The following ORC4 variants were observed in gnomAD, a reference collection of about 807,000 sequenced individuals.
ORC4 encodes the protein origin recognition complex subunit 4.
In ORC4, 55 loss-of-function variants were observed where a neutral mutation model predicts 63.9. That is an observed-to-expected ratio of 0.86 (90% confidence interval 0.69 to 1.08). ORC4 has a LOEUF of 1.08. ORC4 is among the 50% of genes least tolerant of loss of function. The pLI, the probability that ORC4 is intolerant of heterozygous loss-of-function variation, is 0.00. For synonymous variants in ORC4, 150 were observed against 168.5 expected, an observed-to-expected ratio of 0.89 and a Z score of 0.85; for missense variants, 511 against 504.4, an observed-to-expected ratio of 1.01 and a Z score of -0.13.
chr2:148,015,142 C>T (rs1205103913), intron 1 of ORC4, among the ~76,000 whole-genome samples: 1 of 150,042 alleles, frequency 6.7e-6, no homozygotes, highest in Non-Finnish European at 1.5e-5. Context: ...AAGAATTCCA[C>T]ACAAAAAGAT....
At position 148,016,173 on chromosome 2, in the gene ORC4, C is replaced by A. The variant is rs187040170; in HGVS notation, c.-18+4460G>T. 3.6e-3 allele frequency among the ~76,000 whole-genome samples: 547 copies of A among 152,240 alleles called. 14 individuals carry two copies. Among genetic ancestry groups the A allele is most frequent in the Admixed American group, 0.032 (486 of 15,288 alleles). On this transcript the variant is annotated intron_variant, in intron 1 of 13. Transcript: ENST00000392857. ...TGTCTTCTCTTATTCTCCACAACAACGAACCATTTCTCAATCGGACTGTGA... is the reference window on the plus strand; with the variant it reads ...TGTCTTCTCTTATTCTCCACAACAAAGAACCATTTCTCAATCGGACTGTGA...
intron 1 of ORC4, among the ~76,000 whole-genome samples, chr2:148,003,457 C>T (rs1040899655): frequency 6.6e-6 from 1 of 152,166 alleles, no homozygotes; most frequent in African/African-American, 2.4e-5. Flanking sequence ...GCTGGTTCAA[C>T]ATATGCAAAT....
intron 1 of ORC4, among the ~76,000 whole-genome samples, chr2:148,011,443 T>A (rs1692962879): frequency 6.6e-6 from 1 of 152,132 alleles, no homozygotes; most frequent in Non-Finnish European, 1.5e-5. Context: ...ATAAAAACTC[T>A]CAGCAAACTG....
chr2:147,962,175 G>A (rs550877111), intron 4 of ORC4, among the ~76,000 whole-genome samples: 3 of 152,098 alleles, frequency 2.0e-5, no homozygotes, highest in African/African-American at 4.8e-5. Flanking sequence ...GGGACTTCCC[G>A]TTCTGGGGAA....
chr2:147,961,625 C>T (rs774761140), intron 4 of ORC4, among the ~76,000 whole-genome samples: 1 of 152,034 alleles, frequency 6.6e-6, no homozygotes, highest in African/African-American at 2.4e-5. Flanking sequence ...CATCAGAGTA[C>T]ATCAGGAATA....
At chr2:148,018,150 G>A (rs796937683) in intron 1 of ORC4, among the ~76,000 whole-genome samples, 26 of 152,208 alleles carry the variant, frequency 1.7e-4, no homozygotes, top group African/African-American at 5.8e-4. Flanking sequence ...ATGCACAAAA[G>A]ATTTAAGAAT....
intron 13 of ORC4, among the ~76,000 whole-genome samples, chr2:147,937,800 A>T (rs1270752264): frequency 1.3e-5 from 2 of 152,134 alleles, no homozygotes; most frequent in Non-Finnish European, 2.9e-5. Flanking sequence ...TAAGTTTCTT[A>T]ATGGCTCTAA....
intron 4 of ORC4, 81 bp from the exon 5 acceptor site, chr2:147,958,947 A>T: frequency 1.5e-6 from 1 of 660,894 alleles, no homozygotes; most frequent in Non-Finnish European, 2.7e-6. Context: ...ACAAGCAGTA[A>T]GAACAGAATA....
chr2:148,018,573 C>T (rs1693459839), intron 1 of ORC4, among the ~76,000 whole-genome samples: 1 of 133,818 alleles, frequency 7.5e-6, no homozygotes, highest in African/African-American at 2.7e-5. Context: ...ACTTTTTATA[C>T]TATACTTATT....
At chr2:147,990,799 T>C (rs1304897095) in intron 1 of ORC4, among the ~76,000 whole-genome samples, 3 of 152,208 alleles carry the variant, frequency 2.0e-5, no homozygotes, top group African/African-American at 4.8e-5. Flanking sequence ...TTAAGTAATA[T>C]GATGCCATGA....
At position 148,010,604 on chromosome 2, in the gene ORC4, A is replaced by C. The variant is rs150792941; in HGVS notation, c.-18+10029T>G. Among the ~76,000 whole-genome samples the C allele has an allele frequency of 6.1e-3, 928 of 152,194 alleles. 3 individuals are homozygous for C. The highest frequency in any genetic ancestry group is 0.018 in the South Asian group (87 of 4,824). ...TTGTAAAACCTAGAAGAAACGAATAAATTCCTAGGCACATACAGCCTAAGA... is the reference window on the plus strand; with the variant it reads ...TTGTAAAACCTAGAAGAAACGAATACATTCCTAGGCACATACAGCCTAAGA... On this transcript the variant is annotated intron_variant, in intron 1 of 13. Transcript: ENST00000392857.
Position 147,950,762 on chromosome 2 carries a change from C to A in ORC4, c.588+1611G>T, listed in dbSNP as rs141358491. On this transcript the variant is annotated intron_variant, in intron 8 of 13. Transcript: ENST00000392857. ...CCTGGGCGACAGAGCAAGACTCCAT[C>A]TCAAAAAAAAAAAAAAAGAAAAAGA... Among the ~76,000 whole-genome samples the A allele has an allele frequency of 1.6e-3, 163 of 100,402 alleles. 1 individual carries two copies. The highest frequency in any genetic ancestry group is 4.8e-3 in the African/African-American group (133 of 27,928). 65.9% of individuals were successfully genotyped at this position (100,402 alleles called of 152,430 possible).
chr2:147,986,525 GA>G (rs1185109080), intron 1 of ORC4, among the ~76,000 whole-genome samples: 3 of 152,006 alleles, frequency 2.0e-5, no homozygotes, highest in Non-Finnish European at 4.4e-5. Flanking sequence ...ACCTACAAGG[GA>G]GAAAAAAATG....
chr2:147,982,906 A>G (rs2105373748), intron 1 of ORC4, among the ~76,000 whole-genome samples: 1 of 152,356 alleles, frequency 6.6e-6, no homozygotes, highest in East Asian at 1.9e-4. Context: ...GAATCCCATT[A>G]GAAAATAGGC....
At chr2:148,021,463 T>TTGCTGCTGCTGC, upstream of ORC4, 1 of 573,876 alleles carries the variant, frequency 1.7e-6, no homozygotes, top group Non-Finnish European at 3.4e-6. Context: ...GCTGCTGCTG[T>TTGCTGCTGCTGC]TGCTGCTGCT....
chr2:148,006,568 C>A (rs1230746660), intron 1 of ORC4, among the ~76,000 whole-genome samples: 1 of 152,160 alleles, frequency 6.6e-6, no homozygotes, highest in Non-Finnish European at 1.5e-5. Flanking sequence ...TGTTTTGCAA[C>A]CGGAGTATTG....
At chr2:147,968,662 A>C (rs1249945568) in intron 4 of ORC4, among the ~76,000 whole-genome samples, 1 of 152,070 alleles carries the variant, frequency 6.6e-6, no homozygotes, top group Non-Finnish European at 1.5e-5. Context: ...TGCAAAAAAA[A>C]GGAACTTTTA....
At chr2:148,017,380 T>C (rs1693369505) in intron 1 of ORC4, among the ~76,000 whole-genome samples, 1 of 152,256 alleles carries the variant, frequency 6.6e-6, no homozygotes, top group Admixed American at 6.5e-5. Context: ...TTTATATAAT[T>C]TGCAGCTAAT....
chr2:147,975,735 ACCTT>A (rs1362771908), intron 2 of ORC4, among the ~76,000 whole-genome samples, 163 bp downstream of exon 2: 1 of 152,134 alleles, frequency 6.6e-6, no homozygotes, highest in Non-Finnish European at 1.5e-5. Context: ...TGTTCTTACG[ACCTT>A]GTGCTGGCAT....
Sources: gnomAD v4.1 joint callset for allele counts (sites outside exome capture counted in the v4.1 genomes callset) on GRCh38, gnomAD v4.1.1 for gene constraint, MANE v1.5 for transcripts, NCBI Gene and HGNC (gene_info 2026-07-23, HGNC 2026-07-21) for gene names.